The following CUL5 variants were observed in gnomAD, a reference collection of about 807,000 sequenced individuals.
CUL5 encodes cullin 5, also known as cullin-5.
CUL5 carries 26 observed loss-of-function variants against 108.8 expected under a neutral mutation model. The ratio of observed to expected loss-of-function variants is 0.24; its 90% CI spans 0.18 to 0.33. The LOEUF is 0.33. CUL5 is among the 10% of genes least tolerant of loss of function. CUL5 has a pLI of 1.00. For synonymous variants in CUL5, 334 were observed against 298.0 expected (o/e 1.12, Z -1.25); for missense variants, 524 against 909.2 (o/e 0.58, Z 5.45).
chr11:108,027,006 A>T (rs1033013397), intron 1 of CUL5, among the ~76,000 whole-genome samples: 3 of 150,744 alleles, frequency 2.0e-5, no homozygotes, highest in African/African-American at 4.9e-5. Context: ...AAAAAAAAAA[A>T]ATTATTATTT....
intron 2 of CUL5, among the ~76,000 whole-genome samples, chr11:108,039,988 CTATT>C (rs1237451748): frequency 1.3e-5 from 2 of 152,178 alleles, no homozygotes; most frequent in Non-Finnish European, 2.9e-5. Flanking sequence ...CAGGGTCACA[CTATT>C]TCTTGTTCTC....
At chr11:108,075,382 A>G (rs1863918473) in intron 10 of CUL5, among the ~76,000 whole-genome samples, 1 of 152,194 alleles carries the variant, frequency 6.6e-6, no homozygotes, top group African/African-American at 2.4e-5. Flanking sequence ...CCACTTGCAT[A>G]GGCAACACAT....
At chr11:108,047,193 T>C (rs993802719) in intron 3 of CUL5, among the ~76,000 whole-genome samples, 3 of 152,040 alleles carry the variant, frequency 2.0e-5, no homozygotes, top group Non-Finnish European at 4.4e-5. Context: ...GGTGCACACC[T>C]GTGGTTGCAG....
intron 7 of CUL5, among the ~76,000 whole-genome samples, chr11:108,067,435 A>G (rs1369002886): frequency 6.6e-6 from 1 of 151,562 alleles, no homozygotes; most frequent in Non-Finnish European, 1.5e-5. Context: ...TGTGGCTTAG[A>G]ATATACTGTT....
At chr11:108,076,424 A>G (rs1863942020) in intron 10 of CUL5, among the ~76,000 whole-genome samples, 2 of 151,926 alleles carry the variant, frequency 1.3e-5, no homozygotes, top group African/African-American at 4.8e-5. Flanking sequence ...GTATCATGTC[A>G]CCTACATTTC....
At chr11:108,018,763 T>C (rs1862262917) in intron 1 of CUL5, among the ~76,000 whole-genome samples, 1 of 152,166 alleles carries the variant, frequency 6.6e-6, no homozygotes, top group Non-Finnish European at 1.5e-5. Context: ...CTCACTTTTG[T>C]TGAGATAAGA....
chr11:108,078,316 G>T, intron 11 of CUL5, 76 bp downstream of exon 11: 1 of 710,266 alleles, frequency 1.4e-6, no homozygotes, highest in Non-Finnish European at 2.3e-6. Flanking sequence ...GGTATACAAA[G>T]TACCCTGTTA....
At chr11:108,095,079 C>T (rs1864456286) in intron 15 of CUL5, 92 bp downstream of exon 15, 2 of 1,091,338 alleles carry the variant, frequency 1.8e-6, no homozygotes, top group Non-Finnish European at 2.6e-6. Context: ...AGATTTTTGC[C>T]TCTCTCACAT....
intron 7 of CUL5, among the ~76,000 whole-genome samples, chr11:108,058,077 C>T (rs926435688): frequency 2.7e-5 from 4 of 148,660 alleles, no homozygotes; most frequent in Non-Finnish European, 1.5e-5. Context: ...GACGTGGTGG[C>T]GTGCACCTGT....
chr11:108,062,447 A>T (rs1005328704), intron 7 of CUL5, among the ~76,000 whole-genome samples: 3 of 151,810 alleles, frequency 2.0e-5, no homozygotes, highest in African/African-American at 7.2e-5. Flanking sequence ...ATTCCTACCA[A>T]TCTGCCAGTA....
At chr11:108,058,555 AT>A (rs879267134) in intron 7 of CUL5, among the ~76,000 whole-genome samples, 560 of 144,684 alleles carry the variant, frequency 3.9e-3, no homozygotes, top group African/African-American at 6.1e-3. Context: ...GCCCAAAGTG[AT>A]TTTTTTTTTT....
At chr11:108,053,361 G>C (rs1346013784) in intron 5 of CUL5, among the ~76,000 whole-genome samples, 1 of 152,142 alleles carries the variant, frequency 6.6e-6, no homozygotes, top group Non-Finnish European at 1.5e-5. Context: ...ACTGAACATA[G>C]AATGCATGGC....
Position 108,098,546 on chromosome 11 carries a change from G to T in CUL5, c.2148+17G>T. The T allele has an allele frequency of 6.9e-7, 1 of 1,450,424 alleles. No homozygotes were observed. Among genetic ancestry groups the T allele is most frequent in the Non-Finnish European group, 9.1e-7 (1 of 1,095,140 alleles). The allele number at this position is 1,450,424 out of a possible 1,614,324, so 89.8% of individuals were successfully genotyped here. A position where few individuals can be genotyped will look rare whatever the true frequency, so the allele number is the denominator to read the frequency against. Reference sequence around the variant, plus strand: ...AGAACCCAGGTTTGTAATGTTGACAGAATGTCTGAAGTTTAAAAAAACTTT... The same window carrying T: ...AGAACCCAGGTTTGTAATGTTGACATAATGTCTGAAGTTTAAAAAAACTTT... On this transcript the variant is annotated intron_variant, in intron 18 of 18. Coordinates refer to ENST00000393094, the MANE Select transcript of CUL5 (RefSeq NM_003478.6).
intron 8 of CUL5, among the ~76,000 whole-genome samples, chr11:108,070,768 A>G (rs952703624): frequency 6.6e-6 from 1 of 152,154 alleles, no homozygotes; most frequent in Admixed American, 6.6e-5. Context: ...TTTTTTAAAT[A>G]ACGTACTTCT....
chr11:108,096,379 C>T (rs950319223), intron 16 of CUL5, among the ~76,000 whole-genome samples: 4 of 150,208 alleles, frequency 2.7e-5, no homozygotes, highest in Non-Finnish European at 5.9e-5. Flanking sequence ...GTATCCCCAG[C>T]TACTTGGAAG....
At position 108,103,973 on chromosome 11, in the gene CUL5, A is replaced by G. The variant is rs552763930; in HGVS notation, c.2149-217A>G. Among the ~76,000 whole-genome samples, 18 of 152,186 alleles carry G rather than the reference A, an allele frequency of 1.2e-4. No individual in the cohort carries two copies. In the South Asian group the frequency reaches 2.1e-3, roughly 18 times the overall value. On this transcript the variant is annotated intron_variant, in intron 18 of 18. Coordinates refer to ENST00000393094, the MANE Select transcript of CUL5 (RefSeq NM_003478.6). ...ATCCCTCCCCTATCCCCCCACCCCA[A>G]TAAGCAGATTCTCTTTTATGGGGCA...
At chr11:108,094,572 T>C in intron 14 of CUL5, 58 bp downstream of exon 14, 1 of 1,064,764 alleles carries the variant, frequency 9.4e-7, no homozygotes, top group Non-Finnish European at 1.3e-6. Context: ...ATCTTTGTTT[T>C]CCAGTAAATT....
chr11:108,088,491 C>A (rs140558057), intron 11 of CUL5, 36 bp from the exon 12 acceptor site: 1 of 1,561,900 alleles, frequency 6.4e-7, no homozygotes, highest in African/African-American at 1.4e-5. Flanking sequence ...AAACATTAAT[C>A]ATTTTTCCAT....
intron 9 of CUL5, among the ~76,000 whole-genome samples, chr11:108,072,903 T>C (rs933415519): frequency 2.0e-5 from 3 of 152,090 alleles, no homozygotes; most frequent in Admixed American, 1.3e-4. Context: ...AAATTACTAT[T>C]TTCTCTGTAA....
Sources: gnomAD v4.1 joint callset for allele counts (sites outside exome capture counted in the v4.1 genomes callset) on GRCh38, gnomAD v4.1.1 for gene constraint, MANE v1.5 for transcripts, NCBI Gene and HGNC (gene_info 2026-07-23, HGNC 2026-07-21) for gene names.